Variants in PPP2R2B observed in about 807,000 individuals in gnomAD.
PPP2R2B encodes the protein protein phosphatase 2 regulatory subunit Bbeta, also known as serine/threonine-protein phosphatase 2A 55 kDa regulatory subunit B beta isoform.
In PPP2R2B, 5 loss-of-function variants were observed where a neutral mutation model predicts 46.0. The observed-to-expected ratio is 0.11, with a 90% confidence interval of 0.06 to 0.23. PPP2R2B has a LOEUF of 0.23. Ranked by LOEUF, PPP2R2B falls within the 10% of genes least tolerant of loss-of-function variation. The probability of loss-of-function intolerance (pLI) is 1.00; values close to 1 mark genes in which losing one functional copy is unlikely to be tolerated. For synonymous variants in PPP2R2B, 215 were observed against 206.7 expected (o/e 1.04, Z -0.34); for missense variants, 367 against 575.0 (o/e 0.64, Z 3.70).
chr5:146,778,122 G>GA lies in PPP2R2B; in HGVS notation c.71-76981dup, dbSNP rs527617171. Among the ~76,000 whole-genome samples, 41 of 152,266 alleles carry GA rather than the reference G, an allele frequency of 2.7e-4. 1 individual carries two copies. The East Asian group carries it at 5.2e-3, about 19-fold the overall frequency. On this transcript the variant is annotated intron_variant, in intron 2 of 9. Coordinates refer to ENST00000394411, the MANE Select transcript of PPP2R2B (RefSeq NM_181675.4). ...AATTTTCCTTTTTCCAGAGGCAATGGAAAATGGCAATTTGGGTTCCGGCAT... is the reference window on the plus strand; with the variant it reads ...AATTTTCCTTTTTCCAGAGGCAATGGAAAAATGGCAATTTGGGTTCCGGCAT...
chr5:147,008,330 G>A (rs1285490826), intron 1 of PPP2R2B, among the ~76,000 whole-genome samples: 6 of 152,094 alleles, frequency 3.9e-5, no homozygotes, highest in Admixed American at 3.9e-4. Context: ...ACAGGCTTAT[G>A]AAGGTCTATG....
intron 2 of PPP2R2B, among the ~76,000 whole-genome samples, chr5:146,705,220 C>A (rs1779763426): frequency 6.6e-6 from 1 of 152,172 alleles, no homozygotes; most frequent in South Asian, 2.1e-4. Context: ...AAGTCATTTA[C>A]CCTACTTGCA....
At chr5:146,887,359 T>C (rs1475764139) in intron 1 of PPP2R2B, among the ~76,000 whole-genome samples, 1 of 152,176 alleles carries the variant, frequency 6.6e-6, no homozygotes, top group Admixed American at 6.5e-5. Context: ...AGTTTTAATG[T>C]GTTCTTTAAG....
At chr5:146,754,318 C>G (rs983674745) in intron 2 of PPP2R2B, among the ~76,000 whole-genome samples, 1 of 152,054 alleles carries the variant, frequency 6.6e-6, no homozygotes, top group Non-Finnish European at 1.5e-5. Flanking sequence ...AGTCTGGGAG[C>G]GATCTCGAGG....
At chr5:146,865,326 A>G (rs1030801135) in intron 2 of PPP2R2B, among the ~76,000 whole-genome samples, 1 of 143,234 alleles carries the variant, frequency 7.0e-6, no homozygotes, top group Non-Finnish European at 1.5e-5. Context: ...ACACACACAC[A>G]CACTGAGCCT....
intron 1 of PPP2R2B, among the ~76,000 whole-genome samples, chr5:146,900,579 C>CTTCCTTCCTTCCTTCA (rs1762799389): frequency 7.3e-6 from 1 of 137,372 alleles, no homozygotes; most frequent in South Asian, 2.5e-4. Context: ...TCCTTCCTTC[C>CTTCCTTCCTTCCTTCA]TTCCTTCCTT....
chr5:146,975,258 C>A (rs1421964857), intron 1 of PPP2R2B, among the ~76,000 whole-genome samples: 2 of 152,108 alleles, frequency 1.3e-5, no homozygotes, highest in Admixed American at 6.6e-5. Flanking sequence ...AATCATATAG[C>A]ATTTTTCTTT....
At chr5:146,916,043 G>A in intron 1 of PPP2R2B, among the ~76,000 whole-genome samples, 1 of 152,032 alleles carries the variant, frequency 6.6e-6, no homozygotes, top group East Asian at 1.9e-4. Context: ...TAAACTAAAA[G>A]CTCCTTGAAG....
At chr5:146,776,450 T>C (rs575679929) in intron 2 of PPP2R2B, among the ~76,000 whole-genome samples, 59 of 152,106 alleles carry the variant, frequency 3.9e-4, no homozygotes, top group Non-Finnish European at 6.9e-4. Flanking sequence ...GACATCCACA[T>C]TCAAAAGAAT....
At chr5:146,989,970 A>AGAT (rs1240221435) in intron 1 of PPP2R2B, among the ~76,000 whole-genome samples, 3 of 151,318 alleles carry the variant, frequency 2.0e-5, no homozygotes, top group African/African-American at 7.3e-5. Context: ...TCTGAAAAAG[A>AGAT]AATCAAGAAA....
chr5:146,807,831 C>G, intron 2 of PPP2R2B, among the ~76,000 whole-genome samples: 2 of 73,958 alleles, frequency 2.7e-5, no homozygotes, highest in Admixed American at 2.2e-4. Context: ...GACAGTTTTG[C>G]TCTTGTTGCC....
chr5:146,923,420 G>A (rs1763676439), intron 1 of PPP2R2B, among the ~76,000 whole-genome samples: 1 of 152,204 alleles, frequency 6.6e-6, no homozygotes, highest in South Asian at 2.1e-4. Context: ...AGTGAACTGT[G>A]TTCGAGTTGA....
At chr5:146,722,507 C>A (rs964898118) in intron 2 of PPP2R2B, among the ~76,000 whole-genome samples, 3 of 152,188 alleles carry the variant, frequency 2.0e-5, no homozygotes, top group African/African-American at 7.2e-5. Context: ...AAGGCATAGC[C>A]TGGCTGCTTT....
In PPP2R2B at chr5:146,812,815, A is replaced by ATATATATATATATATG. The variant is rs1757697670; in HGVS notation, c.70+65186_70+65187insCATATATATATATATA. 8.4e-5 allele frequency among the ~76,000 whole-genome samples: 3 copies of ATATATATATATATATG among 35,636 alleles called. 1 individual carries two copies. The highest frequency in any genetic ancestry group is 1.9e-4 in the Non-Finnish European group (3 of 15,732). 23.4% of individuals were successfully genotyped at this position (35,636 alleles called of 152,430 possible). On this transcript the variant is annotated intron_variant, in intron 2 of 9. Transcript: ENST00000394411. ...TGTGTATATATATATATATATATATATATATATATATATACACACACATTT... is the reference window on the plus strand; with the variant it reads ...TGTGTATATATATATATATATATATATATATATATATATATGTATATATATATATACACACACATTT...
At chr5:146,711,614 A>G (rs1297998697) in intron 2 of PPP2R2B, among the ~76,000 whole-genome samples, 1 of 152,164 alleles carries the variant, frequency 6.6e-6, no homozygotes, top group Non-Finnish European at 1.5e-5. Flanking sequence ...TACTTGGGAG[A>G]GGGCATGGAG....
At position 146,887,012 on chromosome 5, in the gene PPP2R2B, G is replaced by A. The variant is rs1762350498; in HGVS notation, c.79+168653C>T. ...CGGCTCTGTGCAATAGAAATATAAT[G>A]CAAACCACATTTGTAATTGTAAATT... On this transcript the variant is annotated intron_variant, in intron 1 of 8. Coordinates refer to the PPP2R2B transcript ENST00000336640. Among the ~76,000 whole-genome samples, 4 of 151,744 alleles carry A rather than the reference G, an allele frequency of 2.6e-5. No individual in the cohort carries two copies. The South Asian group carries it at 8.3e-4, about 31-fold the overall frequency.
chr5:146,854,294 AAATACAT>A (rs1456580343), intron 2 of PPP2R2B, among the ~76,000 whole-genome samples: 2 of 152,160 alleles, frequency 1.3e-5, no homozygotes, highest in African/African-American at 4.8e-5. Flanking sequence ...GCAATTTTTA[AAATACAT>A]AATATGTTAC....
intron 2 of PPP2R2B, among the ~76,000 whole-genome samples, chr5:147,069,785 GTTTTTT>G (rs540998224): frequency 1.7e-4 from 11 of 64,790 alleles, no homozygotes; most frequent in African/African-American, 6.8e-4. Flanking sequence ...ATTTTATACT[GTTTTTT>G]TTTTTTTTTT....
At chr5:146,983,093 A>G (rs1396337248) in intron 1 of PPP2R2B, among the ~76,000 whole-genome samples, 1 of 136,506 alleles carries the variant, frequency 7.3e-6, no homozygotes, top group Non-Finnish European at 1.6e-5. Context: ...TTTTTGGTTC[A>G]TTTTCTTTTT....
Sources: gnomAD v4.1 joint callset for allele counts (sites outside exome capture counted in the v4.1 genomes callset) on GRCh38, gnomAD v4.1.1 for gene constraint, MANE v1.5 for transcripts, NCBI Gene and HGNC (gene_info 2026-07-23, HGNC 2026-07-21) for gene names.